Variants in NDRG2 observed in about 807,000 individuals in gnomAD.
NDRG2 encodes the protein protein NDRG2.
A neutral mutation model predicts 58.2 loss-of-function variants in NDRG2; 34 were observed. The ratio of observed to expected loss-of-function variants is 0.58; its 90% CI spans 0.44 to 0.78. NDRG2 has a LOEUF of 0.78. Among genes scored for constraint, NDRG2 ranks in the 30% least tolerant of loss-of-function variants. The probability of loss-of-function intolerance (pLI) is 0.00; values close to 1 mark genes in which losing one functional copy is unlikely to be tolerated. For missense variants in NDRG2, 434 were observed against 471.2 expected (o/e 0.92, Z 0.73); for synonymous variants, 187 against 175.9 (o/e 1.06, Z -0.50).
intron 1 of NDRG2, among the ~76,000 whole-genome samples, chr14:21,057,653 A>G (rs1486327052): frequency 6.8e-6 from 1 of 147,570 alleles, no homozygotes; most frequent in Non-Finnish European, 1.5e-5. Flanking sequence ...AGGTAATCAT[A>G]CCCATAAAAC....
At chr14:21,058,512 C>G (rs1379013644) in intron 1 of NDRG2, 1 of 616,224 alleles carries the variant, frequency 1.6e-6, no homozygotes, top group Non-Finnish European at 2.8e-6. Flanking sequence ...GGGAGTTTTA[C>G]AGACGCTCCA....
At chr14:21,034,378 C>T (rs962041277) in intron 1 of NDRG2, 10 of 892,016 alleles carry the variant, frequency 1.1e-5, no homozygotes, top group Middle Eastern at 3.5e-4. Context: ...GCATTCCCAA[C>T]CCAACAGTAC....
Position 21,024,764 on chromosome 14 carries a change from C to A in NDRG2, c.-741G>T, listed in dbSNP as rs777956486. On this transcript the variant is annotated 5_prime_UTR_variant, in exon 1 of 16. It adds an upstream start codon to the 5' untranslated region. Coordinates refer to ENST00000556147, the MANE Select transcript of NDRG2 (RefSeq NM_001320329.2). ...ACCCGGAACCCGTCCCTACGAGTCC[C>A]TACGCAGCCCGTCCGCGTGGAGACT... The A allele has an allele frequency of 4.8e-5, 47 of 985,458 alleles. No homozygotes were observed. Among genetic ancestry groups the A allele is most frequent in the Non-Finnish European group, 5.5e-5 (46 of 830,048 alleles). 61.0% of individuals were successfully genotyped at this position (985,458 alleles called of 1,614,324 possible).
At position 21,025,007 on chromosome 14, in the gene NDRG2, C is replaced by A. The variant is rs1420094507; in HGVS notation, c.-984G>T. The A allele has an allele frequency of 8.1e-6, 8 of 985,822 alleles. No homozygotes were observed. The highest frequency in any genetic ancestry group is 9.6e-6 in the Non-Finnish European group (8 of 830,374). 61.1% of individuals were successfully genotyped at this position (985,822 alleles called of 1,614,324 possible). A position where few individuals can be genotyped will look rare whatever the true frequency, so the allele number is the denominator to read the frequency against. On this transcript the variant is annotated 5_prime_UTR_variant, in exon 1 of 16. Transcript: ENST00000556147. This position sits in a 1 kb window ranked among gnomAD's most constrained non-coding sequence, Gnocchi z 5.1. The stretch of plus-strand genomic sequence containing the variant: ...CTGGCGCCTTCCAGGCCCTACGGCC[C>A]CTCGCCTGCCCCTCCCCCTACCTGC...
At position 21,019,723 on chromosome 14, in the gene NDRG2, G is replaced by T; in HGVS notation, c.632C>A (p.Ser211Tyr). The T allele has an allele frequency of 6.2e-7, 1 of 1,612,976 alleles. No individual in the cohort carries two copies. The highest frequency in any genetic ancestry group is 1.1e-5 in the South Asian group (1 of 91,004). The part of the protein sequence containing the change: ...LFSQEELSGN[S>Y]ELIQKYRNII... ...ATTTCTGTACTTTTGTATCAACTCA[G>T]AATTTCCAGAGAGCTCTTCCTGAAG... is the stretch of plus-strand genomic sequence containing the variant. Residue 211 changes from serine (S) to tyrosine (Y), a missense_variant, in exon 10 of 16, where the codon TCT becomes TAT. Physicochemically the swap from Ser to Tyr is moderately radical, Grantham distance 144. Coordinates refer to ENST00000556147, the MANE Select transcript of NDRG2 (RefSeq NM_001320329.2).
chr14:21,056,503 T>A (rs879933206), intron 1 of NDRG2, among the ~76,000 whole-genome samples: 2 of 152,286 alleles, frequency 1.3e-5, no homozygotes, highest in East Asian at 3.9e-4. Flanking sequence ...CTGAGGCCTG[T>A]TGTCGTTATT....
In NDRG2 at chr14:21,019,731, A is replaced by G; in HGVS notation, c.624T>C (p.Ser208=). 6.2e-7 allele frequency: 1 copy of G among 1,611,848 alleles called. No individual in the cohort carries two copies. Among genetic ancestry groups the G allele is most frequent in the Non-Finnish European group, 8.5e-7 (1 of 1,177,956 alleles). ...ACTTTTGTATCAACTCAGAATTTCCAGAGAGCTCTTCCTGAAGGAGAGAAC... is the reference window on the plus strand; with the variant it reads ...ACTTTTGTATCAACTCAGAATTTCCGGAGAGCTCTTCCTGAAGGAGAGAAC... The part of the protein sequence containing the change: ...LGHLFSQEEL[S]GNSELIQKYR... Residue 208 remains serine, a synonymous_variant, in exon 10 of 16, where the codon TCT becomes TCC. Coordinates refer to ENST00000556147, the MANE Select transcript of NDRG2 (RefSeq NM_001320329.2).
In NDRG2 at chr14:21,019,935, T is replaced by G; in HGVS notation, c.597A>C (p.Gly199=). The change falls in exon 9 of 16, where the codon GGA becomes GGC. Residue 199 remains glycine (G), a synonymous_variant. Transcript: ENST00000556147. ...ACCCACTTACCTGGCTGAAAAGATG[T>G]CCAAGGATCATCTCCGGAATGGAAG... is the stretch of plus-strand genomic sequence containing the variant. ...LTSSIPEMIL[G]HLFSQEELSG... is the part of the protein sequence containing the mutation. The G allele has an allele frequency of 6.2e-7, 1 of 1,614,034 alleles. No individual in the cohort carries two copies. Among genetic ancestry groups the G allele is most frequent in the Non-Finnish European group, 8.5e-7 (1 of 1,180,012 alleles).
At chr14:21,033,948 A>T (rs770042282) in intron 1 of NDRG2, 2 of 1,613,946 alleles carry the variant, frequency 1.2e-6, no homozygotes, top group Non-Finnish European at 1.7e-6. Flanking sequence ...TTGGTGGCTC[A>T]GGGAGCAGAC....
intron 1 of NDRG2, among the ~76,000 whole-genome samples, chr14:21,038,675 G>A (rs143841727): frequency 2.0e-5 from 3 of 152,300 alleles, no homozygotes; most frequent in African/African-American, 4.8e-5. Flanking sequence ...AGGTTTGCCC[G>A]ATTGTGACAG....
chr14:21,053,575 C>T (rs1437792701), intron 1 of NDRG2, among the ~76,000 whole-genome samples: 3 of 151,868 alleles, frequency 2.0e-5, no homozygotes, highest in African/African-American at 7.3e-5. Context: ...TGCAGTGAGC[C>T]GAGATCTCGC....
chr14:21,022,282 G>C, intron 4 of NDRG2, 100 bp from the exon 5 acceptor site: 2 of 1,593,490 alleles, frequency 1.3e-6, no homozygotes, highest in Non-Finnish European at 1.7e-6. Context: ...CAGACCAGGA[G>C]AGAACTTCTC....
In NDRG2 at chr14:21,070,838, C is replaced by CCA. The variant is rs750147990; in HGVS notation, c.12_13dup (p.Gly5ValfsTer120). Reference sequence around the variant, plus strand: ...GTCATGAGAACTGACCTGCATGGAACCACCATTTTCCATCCCTGTCCCCAA... The same window carrying CCA: ...GTCATGAGAACTGACCTGCATGGAACCACACCATTTTCCATCCCTGTCCCCAA... On this transcript the variant is annotated frameshift_variant, in exon 1 of 15. Coordinates refer to the NDRG2 transcript ENST00000403829. LOFTEE classifies it high-confidence loss of function. The surrounding 1 kb of genome is among the most constrained non-coding windows in gnomAD (Gnocchi z 4.7). 412 of 1,535,648 alleles carry CCA rather than the reference C, an allele frequency of 2.7e-4. No individual in the cohort carries two copies. Among genetic ancestry groups the CCA allele is most frequent in the Non-Finnish European group, 3.3e-4 (377 of 1,146,874 alleles).
At chr14:21,068,221 G>T (rs1200381477) in intron 1 of NDRG2, among the ~76,000 whole-genome samples, 2 of 13,422 alleles carry the variant, frequency 1.5e-4, no homozygotes, top group African/African-American at 2.2e-4. Flanking sequence ...GGATGGTCTC[G>T]ATCTCCTGAC....
chr14:21,025,492 A>C (rs1158761769), upstream of NDRG2: 4 of 985,276 alleles, frequency 4.1e-6, no homozygotes, highest in East Asian at 3.4e-4. The surrounding 1 kb of genome is among the most constrained non-coding windows in gnomAD (Gnocchi z 5.1). Context: ...ACACCCCACG[A>C]GTTCGACTCC....
Position 21,061,672 on chromosome 14 carries a change from G to T in NDRG2, c.24+9156C>A, listed in dbSNP as rs184458647. Among the ~76,000 whole-genome samples, 5 of 152,296 alleles carry T rather than the reference G, an allele frequency of 3.3e-5. No individual in the cohort carries two copies. In the East Asian group the frequency reaches 9.6e-4, roughly 29 times the overall value. Reference sequence around the variant, plus strand: ...TAAATATTTTCCAGTGGGTAAGTATGTTCTAACATCCAGAAAATTTAGAAT... The same window carrying T: ...TAAATATTTTCCAGTGGGTAAGTATTTTCTAACATCCAGAAAATTTAGAAT... On this transcript the variant is annotated intron_variant, in intron 1 of 14. Transcript: ENST00000403829.
rs1274980480 is a variant in NDRG2, at chr14:21,033,442, G to A, written c.25-10121C>T. 3.3e-5 allele frequency: 10 copies of A among 299,252 alleles called. No homozygotes were observed. The East Asian group carries it at 3.4e-4, about 10-fold the overall frequency. The allele number at this position is 299,252 out of a possible 1,614,324, so 18.5% of individuals were successfully genotyped here. On this transcript the variant is annotated intron_variant, in intron 1 of 14. Coordinates refer to the NDRG2 transcript ENST00000403829. ...TGGTGGGGATGGGGAGGTGAGACTC[G>A]GAGCTGGTGCCTGTTGCCATGGTGT...
Position 21,017,754 on chromosome 14 carries a change from A to G in NDRG2, c.958T>C (p.Ser320Pro), listed in dbSNP as rs767786777. Residue 320 changes from serine (S) to proline (P), a missense_variant, in exon 16 of 16, where the codon TCC becomes CCC. By Grantham distance (74) the Ser-to-Pro change is moderately conservative. Coordinates refer to ENST00000556147, the MANE Select transcript of NDRG2 (RefSeq NM_001320329.2). ...GACCGGGACAGGCGAGTCATGCAGG[A>G]TGAGGCCACTGTGGAGACAGCACGA... ...FLQGMGYMAS[S>P]CMTRLSRSRT... is the part of the protein sequence containing the mutation. The G allele has an allele frequency of 1.2e-6, 2 of 1,600,728 alleles. No individual in the cohort carries two copies. Among genetic ancestry groups the G allele is most frequent in the South Asian group, 1.1e-5 (1 of 89,440 alleles).
upstream of NDRG2, among the ~76,000 whole-genome samples, chr14:21,027,025 T>A (rs1883725576): frequency 6.6e-6 from 1 of 152,124 alleles, no homozygotes; most frequent in Non-Finnish European, 1.5e-5. Flanking sequence ...ACCTGAAGGT[T>A]CCAGCATCTA....
Sources: allele counts gnomAD v4.1 joint callset (sites outside exome capture counted in the v4.1 genomes callset), GRCh38; gene constraint gnomAD v4.1.1; non-coding constraint Gnocchi (gnomAD v3.1); transcripts MANE v1.5; gene names NCBI Gene and HGNC (gene_info 2026-07-23, HGNC 2026-07-21).